The following KANK1 variants were observed in gnomAD, a reference collection of about 807,000 sequenced individuals.
KANK1 encodes the protein KN motif and ankyrin repeat domain-containing protein 1.
KANK1 carries 109 observed loss-of-function variants against 106.2 expected under a neutral mutation model. That is an observed-to-expected ratio of 1.03 (90% CI 0.88 to 1.20). KANK1 has a LOEUF of 1.20. KANK1 is among the 50% of genes most tolerant of loss of function. The pLI is 0.00. For synonymous variants in KANK1, 873 were observed against 652.2 expected, an observed-to-expected ratio of 1.34 and a Z score of -5.16; for missense variants, 2,399 against 1,710.7, an observed-to-expected ratio of 1.40 and a Z score of -7.10.
chr9:527,344 C>T (rs1224714504), intron 1 of KANK1, among the ~76,000 whole-genome samples: 1 of 151,774 alleles, frequency 6.6e-6, no homozygotes, highest in Non-Finnish European at 1.5e-5. Flanking sequence ...TCTTGTCGCC[C>T]TGGCTGGAGT....
chr9:513,570 A>G (rs191359089), intron 1 of KANK1, among the ~76,000 whole-genome samples: 1 of 152,378 alleles, frequency 6.6e-6, no homozygotes, highest in East Asian at 1.9e-4. Context: ...CATTCATTGT[A>G]TATTGCAGAT....
chr9:500,631 T>G (rs2058533737), upstream of KANK1, among the ~76,000 whole-genome samples: 1 of 152,200 alleles, frequency 6.6e-6, no homozygotes, highest in Non-Finnish European at 1.5e-5. Context: ...GGAAGGAAAT[T>G]TAACATATGA....
chr9:640,389 T>C (rs1335423199), intron 1 of KANK1, among the ~76,000 whole-genome samples: 1 of 151,510 alleles, frequency 6.6e-6, no homozygotes, highest in African/African-American at 2.4e-5. Context: ...GTGCATGCCA[T>C]CACGCCCAGC....
intron 1 of KANK1, among the ~76,000 whole-genome samples, chr9:607,257 G>A (rs7861512): frequency 0.021 from 3,160 of 151,728 alleles, 193 homozygotes; most frequent in African/African-American, 0.073. Context: ...AGGCCAAGGC[G>A]GGTGGATCAC....
rs115418064 is a variant in KANK1 at position 493,583 on chromosome 9, T to A, written c.-362+20310T>A. 6.4e-3 allele frequency among the ~76,000 whole-genome samples: 838 copies of A among 131,230 alleles called. 12 individuals are homozygous for A. Among genetic ancestry groups the A allele is most frequent in the African/African-American group, 0.025 (796 of 31,990 alleles). 86.1% of individuals were successfully genotyped at this position (131,230 alleles called of 152,430 possible). ...TTTTTTTTTTTTTTTGGAGATGGAG[T>A]CTAGCTCTGTCTGGAGTGCAGTGGG... On this transcript the variant is annotated intron_variant, in intron 3 of 15. Coordinates refer to the KANK1 transcript ENST00000382303.
chr9:475,405 C>G (rs774553249), intron 3 of KANK1, among the ~76,000 whole-genome samples: 4 of 152,236 alleles, frequency 2.6e-5, no homozygotes, highest in Non-Finnish European at 5.9e-5. Context: ...AGTCAAAGGT[C>G]AAACTGTGCA....
At chr9:648,463 T>C (rs1840200611) in intron 1 of KANK1, among the ~76,000 whole-genome samples, 1 of 152,190 alleles carries the variant, frequency 6.6e-6, no homozygotes, top group Non-Finnish European at 1.5e-5. Flanking sequence ...AATGTACCAA[T>C]TCCTTTTTTA....
chr9:563,139 G>T lies in KANK1; in HGVS notation c.-84+58385G>T, dbSNP rs549223769. Among the ~76,000 whole-genome samples, 133 of 151,578 alleles carry T rather than the reference G, an allele frequency of 8.8e-4. 1 individual carries two copies. The highest frequency in any genetic ancestry group is 9.0e-4 in the Non-Finnish European group (61 of 67,946). On this transcript the variant is annotated intron_variant, in intron 1 of 11. Coordinates refer to ENST00000382297, the MANE Select transcript of KANK1 (RefSeq NM_015158.5). ...GATGGAACCAAGCCTGTGTTCTGTA[G>T]CTCTATTGTGTAAAATCACTTCGAG... is the stretch of plus-strand genomic sequence containing the variant.
At chr9:478,905 C>T (rs958300748) in intron 3 of KANK1, among the ~76,000 whole-genome samples, 3 of 151,298 alleles carry the variant, frequency 2.0e-5, no homozygotes, top group East Asian at 2.0e-4. Flanking sequence ...AACTCTACCA[C>T]GCTAAACATC....
At chr9:536,955 C>T (rs545093963) in intron 1 of KANK1, among the ~76,000 whole-genome samples, 1 of 152,294 alleles carries the variant, frequency 6.6e-6, no homozygotes, top group African/African-American at 2.4e-5. Flanking sequence ...GCAGCACGCA[C>T]CTTGCAGGTC....
In KANK1 at chr9:591,418, C is replaced by G. The variant is rs757147630; in HGVS notation, c.-83-85472C>G. Among the ~76,000 whole-genome samples the G allele has an allele frequency of 3.2e-4, 48 of 151,804 alleles. 1 individual carries two copies. The highest frequency in any genetic ancestry group is 1.0e-3 in the African/African-American group (42 of 41,106). ...ACATCTTGGCATACCCCTGCCTGAG[C>G]TCGTCATGGCATTCTTGTTATCATG... On this transcript the variant is annotated intron_variant, in intron 1 of 11. Transcript: ENST00000382297.
In KANK1 at chr9:598,344, A is replaced by G. The variant is rs943013840; in HGVS notation, c.-83-78546A>G. ...TTTTAGTGTTGTTTTGGCTATTTGG[A>G]TCCCTTTCAGCTTCATACGAATTTA... is the stretch of plus-strand genomic sequence containing the variant. On this transcript the variant is annotated intron_variant, in intron 1 of 11. Coordinates refer to ENST00000382297, the MANE Select transcript of KANK1 (RefSeq NM_015158.5). Among the ~76,000 whole-genome samples, 47 of 151,420 alleles carry G rather than the reference A, an allele frequency of 3.1e-4. 2 individuals are homozygous for G. The highest frequency in any genetic ancestry group is 3.4e-3 in the Middle Eastern group (1 of 294).
At chr9:573,614 G>C (rs16919987) in intron 1 of KANK1, among the ~76,000 whole-genome samples, 7,902 of 152,132 alleles carry the variant, frequency 0.052, 677 homozygotes, top group African/African-American at 0.18. Flanking sequence ...GTCGGTATCA[G>C]TGAGAAAAGG....
chr9:486,520 G>T (rs984442725), intron 3 of KANK1, among the ~76,000 whole-genome samples: 6 of 152,158 alleles, frequency 3.9e-5, no homozygotes, highest in Non-Finnish European at 8.8e-5. Flanking sequence ...GAAGTCTGTA[G>T]AGGTCACATA....
rs1034190646 is a variant in KANK1, at chr9:491,742, T to G, written c.-362+18469T>G. ...GCTGTGTCCCCACCCAAATCTCATC[T>G]TGAATTATAACTCCTACAATTCCCA... On this transcript the variant is annotated intron_variant, in intron 3 of 15. Coordinates refer to the KANK1 transcript ENST00000382303. Among the ~76,000 whole-genome samples the G allele has an allele frequency of 1.6e-4, 25 of 152,342 alleles. No individual in the cohort carries two copies. In the East Asian group the frequency reaches 4.6e-3, roughly 28 times the overall value.
At chr9:725,486 G>A (rs1830413542) in intron 3 of KANK1, among the ~76,000 whole-genome samples, 1 of 120,616 alleles carries the variant, frequency 8.3e-6, no homozygotes, top group African/African-American at 3.3e-5. Flanking sequence ...GACAGAGCAA[G>A]ACTCTGTCTC....
intron 1 of KANK1, among the ~76,000 whole-genome samples, chr9:526,047 CCT>C (rs1241705602): frequency 2.6e-5 from 4 of 151,688 alleles, no homozygotes; most frequent in Non-Finnish European, 5.9e-5. Context: ...CACATGTATC[CCT>C]CTCTGCCTCT....
intron 1 of KANK1, among the ~76,000 whole-genome samples, chr9:656,554 A>G (rs140522483): frequency 3.9e-5 from 6 of 152,264 alleles, no homozygotes; most frequent in African/African-American, 1.2e-4. Context: ...ATTCCTCAAC[A>G]GAATGGGATC....
At chr9:594,716 T>C (rs2804286) in intron 1 of KANK1, among the ~76,000 whole-genome samples, 76,998 of 151,656 alleles carry the variant, frequency 0.51, 20,576 homozygotes, top group South Asian at 0.61. Context: ...TTCAAAAATA[T>C]TGAACGTGAT....
Sources: gnomAD v4.1 joint callset for allele counts (sites outside exome capture counted in the v4.1 genomes callset) on GRCh38, gnomAD v4.1.1 for gene constraint, MANE v1.5 for transcripts, NCBI Gene and HGNC (gene_info 2026-07-23, HGNC 2026-07-21) for gene names.